The following PCDH9 variants were observed in gnomAD, a reference collection of about 807,000 sequenced individuals.
The protein encoded by PCDH9 is protocadherin-9.
Under a neutral mutation model 70.6 loss-of-function variants are expected in PCDH9, and 24 were observed. The ratio of observed to expected loss-of-function variants is 0.34; its 90% CI spans 0.25 to 0.48. PCDH9 has a LOEUF of 0.48. Among genes scored for constraint, PCDH9 ranks in the 20% least tolerant of loss-of-function variants. The pLI is 0.99. For missense variants in PCDH9, 1,281 were observed against 1,503.6 expected (o/e 0.85, Z 2.45); for synonymous variants, 562 against 558.5 (o/e 1.01, Z -0.09).
intron 3 of PCDH9, among the ~76,000 whole-genome samples, chr13:66,756,941 A>G (rs967108686): frequency 1.3e-5 from 2 of 152,084 alleles, no homozygotes; most frequent in Non-Finnish European, 2.9e-5. Flanking sequence ...GGTTCAAGCA[A>G]TTCTCCTGCC....
intron 4 of PCDH9, among the ~76,000 whole-genome samples, chr13:66,575,862 A>G (rs1338639423): frequency 6.6e-6 from 1 of 152,142 alleles, no homozygotes; most frequent in East Asian, 1.9e-4. Flanking sequence ...AAGCCCTATG[A>G]GATAAGAAAC....
intron 4 of PCDH9, among the ~76,000 whole-genome samples, chr13:66,548,211 G>A (rs1961303461): frequency 6.6e-6 from 1 of 151,752 alleles, no homozygotes; most frequent in African/African-American, 2.4e-5. Context: ...ATTTATTAAA[G>A]GTCTATGCCT....
intron 2 of PCDH9, among the ~76,000 whole-genome samples, chr13:67,129,345 T>C (rs1263439372): frequency 3.3e-5 from 5 of 152,172 alleles, no homozygotes; most frequent in African/African-American, 1.2e-4. Flanking sequence ...GTGTAAGCAA[T>C]TATGAGTTAC....
chr13:66,548,660 C>T (rs909239237), intron 4 of PCDH9, among the ~76,000 whole-genome samples: 5 of 151,926 alleles, frequency 3.3e-5, no homozygotes, highest in African/African-American at 7.3e-5. Context: ...TTGTTATGAT[C>T]GTAATAACTA....
intron 2 of PCDH9, among the ~76,000 whole-genome samples, chr13:67,074,382 T>G (rs537579794): frequency 3.4e-4 from 52 of 152,238 alleles, no homozygotes; most frequent in Admixed American, 1.3e-3. Flanking sequence ...TCTGTCAGCA[T>G]GTTGATCTTG....
chr13:66,682,711 A>T (rs2078345378), intron 3 of PCDH9, among the ~76,000 whole-genome samples: 1 of 152,150 alleles, frequency 6.6e-6, no homozygotes, highest in Non-Finnish European at 1.5e-5. Flanking sequence ...CATAGTTATA[A>T]TTTTATTCAT....
chr13:66,812,253 C>A (rs1300088847), intron 3 of PCDH9, among the ~76,000 whole-genome samples: 3 of 151,832 alleles, frequency 2.0e-5, no homozygotes, highest in Non-Finnish European at 4.4e-5. Context: ...AACGTGACAA[C>A]CTATAAAACA....
rs1395532054 is a variant in PCDH9, at chr13:66,578,839, A to G, written c.3340+52371T>C. On this transcript the variant is annotated intron_variant, in intron 4 of 4. Transcript: ENST00000377865. ...GCCATTTTGGGAGCCAACTGAGTTC[A>G]CCCTGTTCTCTGCCAACTAGCCACA... Among the ~76,000 whole-genome samples the G allele has an allele frequency of 2.0e-5, 3 of 152,190 alleles. No individual in the cohort carries two copies. In the East Asian group the frequency reaches 5.8e-4, roughly 29 times the overall value.
chr13:66,394,179 T>C (rs1348086173), intron 4 of PCDH9, among the ~76,000 whole-genome samples: 4 of 152,138 alleles, frequency 2.6e-5, no homozygotes, highest in African/African-American at 4.8e-5. Flanking sequence ...CATCTCAGAT[T>C]TTTAGGGGTC....
intron 2 of PCDH9, among the ~76,000 whole-genome samples, chr13:66,985,956 TA>T (rs1157496534): frequency 1.3e-5 from 2 of 152,056 alleles, no homozygotes; most frequent in African/African-American, 4.8e-5. Flanking sequence ...TAAAACTTTA[TA>T]AATGAATACA....
intron 2 of PCDH9, among the ~76,000 whole-genome samples, chr13:66,939,546 C>T (rs1002503755): frequency 3.3e-5 from 5 of 151,806 alleles, no homozygotes; most frequent in Admixed American, 6.6e-5. Context: ...AAGTGATTCT[C>T]CTGCCTCAGT....
intron 2 of PCDH9, among the ~76,000 whole-genome samples, chr13:66,972,726 A>G (rs1566330938): frequency 6.6e-6 from 1 of 152,008 alleles, no homozygotes; most frequent in Non-Finnish European, 1.5e-5. Flanking sequence ...TTTTCACAAG[A>G]ATGTTCTGAC....
rs182333380 is a variant in PCDH9, at chr13:67,219,731, T to C, written c.3036+5674A>G. 1.2e-4 allele frequency: 18 copies of C among 152,156 alleles called. No individual in the cohort carries two copies. The East Asian group carries it at 3.5e-3, about 29-fold the overall frequency. The allele number at this position is 152,156 out of a possible 1,614,324, so 9.4% of individuals were successfully genotyped here. A position where few individuals can be genotyped will look rare whatever the true frequency, so the allele number is the denominator to read the frequency against. ...TGTGGAAAAAATATTAAATGTGAAG[T>C]TGAGTGTCAGAAAGGCCAAACCTTT... On this transcript the variant is annotated intron_variant, in intron 2 of 4. Transcript: ENST00000377865.
intron 2 of PCDH9, among the ~76,000 whole-genome samples, chr13:66,933,035 T>C (rs1308266435): frequency 6.6e-6 from 1 of 151,866 alleles, no homozygotes; most frequent in Non-Finnish European, 1.5e-5. Flanking sequence ...ATTTAAGTTA[T>C]AGAGTAAAAA....
At chr13:66,909,631 T>C (rs1008264238) in intron 2 of PCDH9, among the ~76,000 whole-genome samples, 1 of 151,780 alleles carries the variant, frequency 6.6e-6, no homozygotes, top group Admixed American at 6.6e-5. Flanking sequence ...TAGCCGGGCG[T>C]GGTGGCGGGC....
chr13:66,304,599 A>G lies in PCDH9; in HGVS notation c.*56T>C. ...GATCTATTGAATACATAAAGCTCTG[A>G]CGCACACGGTATTAGCATGTCTATT... On this transcript the variant is annotated 3_prime_UTR_variant, in exon 5 of 5. Coordinates refer to ENST00000377865, the MANE Select transcript of PCDH9 (RefSeq NM_203487.3). The G allele has an allele frequency of 4.3e-6, 6 of 1,398,060 alleles. No homozygotes were observed. The highest frequency in any genetic ancestry group is 6.0e-6 in the Non-Finnish European group (6 of 998,044). The allele number at this position is 1,398,060 out of a possible 1,614,324, so 86.6% of individuals were successfully genotyped here. A position where few individuals can be genotyped will look rare whatever the true frequency, so the allele number is the denominator to read the frequency against.
At chr13:66,530,051 G>T (rs1268222486) in intron 4 of PCDH9, among the ~76,000 whole-genome samples, 4 of 151,972 alleles carry the variant, frequency 2.6e-5, no homozygotes, top group Middle Eastern at 3.4e-3. Context: ...ATATATAGTT[G>T]TTACATTGAT....
chr13:66,744,987 T>C lies in PCDH9; in HGVS notation c.3139-113576A>G, dbSNP rs148046452. Among the ~76,000 whole-genome samples the C allele has an allele frequency of 7.5e-3, 1,142 of 152,316 alleles. 18 individuals carry two copies. Among genetic ancestry groups the C allele is most frequent in the Middle Eastern group, 0.014 (4 of 294 alleles). ...TCACCTATATGAAATGAGCACGTAATGCAGGATCATATTGCCTGGATTCAA... is the reference window on the plus strand; with the variant it reads ...TCACCTATATGAAATGAGCACGTAACGCAGGATCATATTGCCTGGATTCAA... On this transcript the variant is annotated intron_variant, in intron 3 of 4. Coordinates refer to ENST00000377865, the MANE Select transcript of PCDH9 (RefSeq NM_203487.3).
chr13:66,637,147 G>T (rs9540842), intron 3 of PCDH9, among the ~76,000 whole-genome samples: 9,750 of 152,142 alleles, frequency 0.064, 394 homozygotes, highest in Middle Eastern at 0.1. Context: ...TTAAATCAAT[G>T]CATGCACACA....
Sources: allele counts gnomAD v4.1 joint callset (sites outside exome capture counted in the v4.1 genomes callset), GRCh38; gene constraint gnomAD v4.1.1; transcripts MANE v1.5; gene names NCBI Gene and HGNC (gene_info 2026-07-23, HGNC 2026-07-21).